Variants in LRRC28 observed in about 807,000 individuals in gnomAD.
LRRC28 encodes the protein leucine-rich repeat-containing protein 28.
Under a neutral mutation model 45.7 loss-of-function variants are expected in LRRC28, and 39 were observed. The observed-to-expected ratio is 0.85, with a 90% confidence interval of 0.66 to 1.12. The LOEUF (loss-of-function observed/expected upper bound fraction) is 1.12. Ranked by LOEUF, LRRC28 falls within the 50% of genes most tolerant of loss-of-function variation. The pLI, the probability that LRRC28 is intolerant of heterozygous loss-of-function variation, is 0.00. For synonymous variants in LRRC28, 206 were observed against 178.8 expected (o/e 1.15, Z -1.22); for missense variants, 435 against 438.5 (o/e 0.99, Z 0.07).
intron 9 of LRRC28, among the ~76,000 whole-genome samples, chr15:99,367,489 G>A (rs934538789): frequency 2.6e-5 from 4 of 151,962 alleles, no homozygotes; most frequent in African/African-American, 7.3e-5. Flanking sequence ...CCCCTCCCAC[G>A]ATAACTAACC....
chr15:99,257,997 T>A (rs1463668679), intron 2 of LRRC28: 5 of 925,380 alleles, frequency 5.4e-6, no homozygotes, highest in Non-Finnish European at 9.0e-6. Context: ...GAAAATGCTC[T>A]TTCTGGAAAT....
At chr15:99,375,022 G>T (rs747256865) in intron 9 of LRRC28, among the ~76,000 whole-genome samples, 5 of 152,106 alleles carry the variant, frequency 3.3e-5, no homozygotes, top group Non-Finnish European at 5.9e-5. Flanking sequence ...TAAGTATAAT[G>T]TGTTAACTAT....
intron 3 of LRRC28, among the ~76,000 whole-genome samples, chr15:99,281,983 G>T (rs1442571056): frequency 6.6e-6 from 1 of 151,790 alleles, no homozygotes; most frequent in African/African-American, 2.4e-5. Flanking sequence ...TTGAGATGGG[G>T]GTCCCATTAT....
At chr15:99,375,506 T>C (rs1328169114) in intron 9 of LRRC28, among the ~76,000 whole-genome samples, 1 of 152,244 alleles carries the variant, frequency 6.6e-6, no homozygotes, top group Non-Finnish European at 1.5e-5. Context: ...AGTGTTCTTC[T>C]TCTTCTGCTT....
rs1031183029 is a variant in LRRC28, at chr15:99,263,193, C to T, written c.168+7068C>T. Among the ~76,000 whole-genome samples the T allele has an allele frequency of 4.0e-5, 6 of 150,318 alleles. No individual in the cohort carries two copies. In the East Asian group the frequency reaches 5.9e-4, roughly 15 times the overall value. On this transcript the variant is annotated intron_variant, in intron 2 of 9. Transcript: ENST00000301981. The stretch of plus-strand genomic sequence containing the variant: ...AATAGCTGGTTGTGGTGGCGTGTGC[C>T]TGTAGTCCCAGCTACTTGGGGGGTC...
intron 5 of LRRC28, among the ~76,000 whole-genome samples, chr15:99,296,765 A>G (rs1166897787): frequency 1.3e-5 from 2 of 152,192 alleles, no homozygotes; most frequent in Non-Finnish European, 2.9e-5. Context: ...AAGAAGGAAA[A>G]CAAAATCTGG....
intron 9 of LRRC28, among the ~76,000 whole-genome samples, chr15:99,366,441 T>C (rs998570933): frequency 2.6e-5 from 4 of 152,224 alleles, no homozygotes; most frequent in African/African-American, 9.6e-5. Flanking sequence ...AAGGTCTCTA[T>C]ATTAGTCAGC....
intron 6 of LRRC28, 147 bp downstream of exon 6, chr15:99,334,276 C>T: frequency 1.2e-6 from 1 of 813,348 alleles, no homozygotes; most frequent in East Asian, 2.7e-5. Flanking sequence ...AACAAAGCGT[C>T]ATTCCTAGCT....
chr15:99,267,611 A>G (rs975797710), intron 2 of LRRC28, among the ~76,000 whole-genome samples: 5 of 152,228 alleles, frequency 3.3e-5, no homozygotes, highest in African/African-American at 1.2e-4. Flanking sequence ...ATGTGAGTAT[A>G]TCAAATAGTA....
At chr15:99,331,080 A>G (rs570768220) in intron 5 of LRRC28, among the ~76,000 whole-genome samples, 51 of 152,288 alleles carry the variant, frequency 3.3e-4, no homozygotes, top group Admixed American at 2.1e-3. Context: ...ATTCATAATC[A>G]CACATTGTTG....
At chr15:99,258,398 G>T (rs2081090709) in intron 2 of LRRC28, 1 of 991,426 alleles carries the variant, frequency 1.0e-6, no homozygotes, top group Admixed American at 1.8e-5. Flanking sequence ...TGATTACCTT[G>T]CATTGGATAC....
At chr15:99,265,883 C>G (rs985526312) in intron 2 of LRRC28, among the ~76,000 whole-genome samples, 6 of 152,170 alleles carry the variant, frequency 3.9e-5, no homozygotes, top group South Asian at 4.1e-4. Context: ...ATGAATCTGT[C>G]AACTGCTTTT....
intron 6 of LRRC28, among the ~76,000 whole-genome samples, chr15:99,335,977 C>A (rs145781348): frequency 2.5e-3 from 381 of 152,194 alleles, no homozygotes; most frequent in African/African-American, 8.2e-3. Context: ...CTTACTGTGG[C>A]TTGACTTTCA....
chr15:99,376,915 G>T (rs1293570283), intron 9 of LRRC28, among the ~76,000 whole-genome samples: 4 of 152,110 alleles, frequency 2.6e-5, no homozygotes, highest in African/African-American at 4.8e-5. Context: ...TGGTGTATAT[G>T]TGCCACATTT....
chr15:99,381,913 C>G (rs575117279), intron 9 of LRRC28, among the ~76,000 whole-genome samples: 1 of 152,312 alleles, frequency 6.6e-6, no homozygotes, highest in South Asian at 2.1e-4. Flanking sequence ...GAGGGGTACC[C>G]AGCTGTGTGA....
At chr15:99,289,777 C>A (rs1199363359) in intron 5 of LRRC28, among the ~76,000 whole-genome samples, 1 of 147,242 alleles carries the variant, frequency 6.8e-6, no homozygotes, top group African/African-American at 2.5e-5. Flanking sequence ...ACTAAAAATA[C>A]AAAAAATTAG....
intron 6 of LRRC28, among the ~76,000 whole-genome samples, chr15:99,346,643 CTG>C (rs1956692543): frequency 6.6e-6 from 1 of 151,896 alleles, no homozygotes; most frequent in African/African-American, 2.4e-5. Flanking sequence ...ATATCAAAAA[CTG>C]AAAGTAGATG....
At chr15:99,349,186 G>A (rs965568928) in intron 6 of LRRC28, among the ~76,000 whole-genome samples, 3 of 151,812 alleles carry the variant, frequency 2.0e-5, no homozygotes, top group South Asian at 2.1e-4. Context: ...AATCTTTGGG[G>A]TTTCATCTCT....
At chr15:99,335,818 G>A (rs1956303729) in intron 6 of LRRC28, among the ~76,000 whole-genome samples, 1 of 152,106 alleles carries the variant, frequency 6.6e-6, no homozygotes, top group Admixed American at 6.5e-5. Context: ...TGCAGTCAGT[G>A]CTGGCAATAC....
Sources: allele counts gnomAD v4.1 joint callset (sites outside exome capture counted in the v4.1 genomes callset), GRCh38; gene constraint gnomAD v4.1.1; transcripts MANE v1.5; gene names NCBI Gene and HGNC (gene_info 2026-07-23, HGNC 2026-07-21).